The following KLRK1 variants were observed in gnomAD, a reference collection of about 807,000 sequenced individuals.
The protein encoded by KLRK1 is killer cell lectin like receptor K1.
In KLRK1, 40 loss-of-function variants were observed where a neutral mutation model predicts 31.3. The observed-to-expected ratio is 1.28, with a 90% CI of 0.99 to 1.67. KLRK1 has a LOEUF of 1.67. KLRK1 is among the 40% of genes most tolerant of loss of function. The pLI is 0.00. For missense variants in KLRK1, 251 were observed against 260.0 expected, an observed-to-expected ratio of 0.97 and a Z score of 0.24; for synonymous variants, 77 against 77.3, an observed-to-expected ratio of 1.00 and a Z score of 0.02.
At chr12:10,375,767 G>A (rs1045249405) in intron 7 of KLRK1, among the ~76,000 whole-genome samples, 1 of 152,150 alleles carries the variant, frequency 6.6e-6, no homozygotes, top group Admixed American at 6.5e-5. Flanking sequence ...TCTTTCAAAT[G>A]GTAGAAATGA....
At position 10,373,318 on chromosome 12, in the gene KLRK1, C is replaced by G. The variant is rs539612797; in HGVS notation, c.534-87G>C. 6.9e-6 allele frequency: 8 copies of G among 1,158,252 alleles called. No homozygotes were observed. In the East Asian group the frequency reaches 2.1e-4, roughly 31 times the overall value. The allele number at this position is 1,158,252 out of a possible 1,614,324, so 71.7% of individuals were successfully genotyped here. On this transcript the variant is annotated intron_variant, in intron 7 of 7. Coordinates refer to ENST00000240618, the MANE Select transcript of KLRK1 (RefSeq NM_007360.4). The stretch of plus-strand genomic sequence containing the variant: ...AATCATACCTATTGAACTTCAAATA[C>G]AGGAACTTAATACCATTTTAGGAGA...
At position 10,378,618 on chromosome 12, in the gene KLRK1, T is replaced by G; in HGVS notation, c.365A>C (p.Glu122Ala). The change falls in exon 6 of 8, where the codon GAG (glutamate) becomes GCG (alanine). Residue 122 changes from glutamate (E) to alanine (A), a missense_variant. Physicochemically the swap from Glu to Ala is moderately radical, Grantham distance 107. Coordinates refer to ENST00000240618, the MANE Select transcript of KLRK1 (RefSeq NM_007360.4). ...QFFDESKNWY[E>A]SQASCMSQNA... Reference sequence around the variant, plus strand: ...TTGAGACATACAAGAAGCCTGGCTCTCATACCAGTTTTTACTCTCATCAAA... The same window carrying G: ...TTGAGACATACAAGAAGCCTGGCTCGCATACCAGTTTTTACTCTCATCAAA... 6.2e-7 allele frequency: 1 copy of G among 1,612,706 alleles called. No homozygotes were observed. The highest frequency in any genetic ancestry group is 8.5e-7 in the Non-Finnish European group (1 of 1,179,726).
At chr12:10,375,710 T>C (rs1447895548) in intron 7 of KLRK1, among the ~76,000 whole-genome samples, 1 of 152,238 alleles carries the variant, frequency 6.6e-6, no homozygotes, top group Non-Finnish European at 1.5e-5. Context: ...TTCCTGATCG[T>C]TGTAGCTGAA....
intron 7 of KLRK1, among the ~76,000 whole-genome samples, chr12:10,377,297 A>G (rs1357544435): frequency 1.3e-5 from 2 of 152,190 alleles, no homozygotes; most frequent in African/African-American, 4.8e-5. Context: ...TGATTCAGCC[A>G]TTTTGTTTCT....
At position 10,378,113 on chromosome 12, in the gene KLRK1, C is replaced by G. The variant is rs1003027574; in HGVS notation, c.533+19G>C. 1 of 1,602,774 alleles carries G rather than the reference C, an allele frequency of 6.2e-7. No individual in the cohort carries two copies. Among genetic ancestry groups the G allele is most frequent in the Non-Finnish European group, 8.5e-7 (1 of 1,176,020 alleles). On this transcript the variant is annotated intron_variant, in intron 7 of 7. Coordinates refer to ENST00000240618, the MANE Select transcript of KLRK1 (RefSeq NM_007360.4). The stretch of plus-strand genomic sequence containing the variant: ...GGAAAAAAATTAAAAAGAAGAGACT[C>G]ATTGGGTCAGAGACTTACAGGTTGG...
Position 10,377,450 on chromosome 12 carries a change from G to A in KLRK1, c.533+682C>T, listed in dbSNP as rs531958229. The stretch of plus-strand genomic sequence containing the variant: ...TACATCAATAAATGAAGAGATAAAA[G>A]GAAATTAACTCTTTACTCATGCAAT... On this transcript the variant is annotated intron_variant, in intron 7 of 7. Coordinates refer to ENST00000240618, the MANE Select transcript of KLRK1 (RefSeq NM_007360.4). Among the ~76,000 whole-genome samples the A allele has an allele frequency of 8.1e-4, 123 of 152,182 alleles. 3 individuals carry two copies. Among genetic ancestry groups the A allele is most frequent in the African/African-American group, 2.5e-3 (104 of 41,534 alleles).
intron 1 of KLRK1, 100 bp downstream of exon 1, chr12:10,389,843 G>C (rs541071824): frequency 1.3e-5 from 2 of 152,032 alleles, no homozygotes; most frequent in Non-Finnish European, 2.9e-5. Flanking sequence ...GAAACAATTA[G>C]AATTACCTTA....
chr12:10,377,112 CA>C (rs2137805048), intron 7 of KLRK1, among the ~76,000 whole-genome samples: 1 of 152,246 alleles, frequency 6.6e-6, no homozygotes, highest in South Asian at 2.1e-4. Flanking sequence ...CCACTGCACC[CA>C]GCCAGTATAA....
intron 2 of KLRK1, among the ~76,000 whole-genome samples, chr12:10,387,994 A>G (rs1375037571): frequency 6.6e-6 from 1 of 152,216 alleles, no homozygotes; most frequent in East Asian, 1.9e-4. Context: ...CTGATGATTA[A>G]TATTTACTTA....
At chr12:10,378,314 C>T (rs1863003627) in intron 6 of KLRK1, 79 bp from the exon 7 acceptor site, 2 of 1,475,440 alleles carry the variant, frequency 1.4e-6, no homozygotes, top group Non-Finnish European at 1.9e-6. Flanking sequence ...ACCATTTCAT[C>T]TGTTCTCACA....
At chr12:10,381,137 G>T (rs1281277620) in intron 3 of KLRK1, among the ~76,000 whole-genome samples, 1 of 151,894 alleles carries the variant, frequency 6.6e-6, no homozygotes, top group Non-Finnish European at 1.5e-5. Context: ...AGAGAGTCAT[G>T]CATGCGCCCC....
Position 10,379,800 on chromosome 12 carries a change from A to G in KLRK1, c.149-8T>C. 1.2e-6 allele frequency: 2 copies of G among 1,609,946 alleles called. No homozygotes were observed. The highest frequency in any genetic ancestry group is 1.7e-6 in the Non-Finnish European group (2 of 1,178,242). ...AGAAAAAAAATGGAGATGCTGTCAA[A>G]GAAAAAAGACACAGATCAGAGAAAG... On this transcript the variant is annotated splice_region_variant and splice_polypyrimidine_tract_variant and intron_variant, in intron 3 of 7. Transcript: ENST00000240618.
At chr12:10,382,835 A>G (rs1001096292) in intron 3 of KLRK1, among the ~76,000 whole-genome samples, 1 of 152,232 alleles carries the variant, frequency 6.6e-6, no homozygotes, top group African/African-American at 2.4e-5. Flanking sequence ...ACATAAGTCA[A>G]CATGTGAGAG....
chr12:10,380,733 A>G (rs893072182), intron 3 of KLRK1, among the ~76,000 whole-genome samples: 4 of 152,156 alleles, frequency 2.6e-5, no homozygotes, highest in African/African-American at 9.7e-5. Context: ...CACATTCCTC[A>G]CGATCCCTGA....
intron 7 of KLRK1, among the ~76,000 whole-genome samples, chr12:10,373,545 A>T (rs1862901587): frequency 6.6e-6 from 1 of 152,210 alleles, no homozygotes; most frequent in Non-Finnish European, 1.5e-5. Flanking sequence ...TTAAGTGAGA[A>T]ATAAATTCAG....
chr12:10,388,610 G>A (rs1037170205), intron 2 of KLRK1, among the ~76,000 whole-genome samples, 161 bp downstream of exon 2: 2 of 152,128 alleles, frequency 1.3e-5, no homozygotes, highest in Non-Finnish European at 1.5e-5. Flanking sequence ...TGGAAGACTT[G>A]ATTTAAAATA....
chr12:10,386,191 C>T (rs1051779277), intron 3 of KLRK1, among the ~76,000 whole-genome samples: 2 of 151,686 alleles, frequency 1.3e-5, no homozygotes, highest in Non-Finnish European at 2.9e-5. Flanking sequence ...CATTTCATAC[C>T]CATCTGTGCA....
At chr12:10,384,797 G>A (rs1863137515) in intron 3 of KLRK1, among the ~76,000 whole-genome samples, 1 of 152,038 alleles carries the variant, frequency 6.6e-6, no homozygotes, top group Non-Finnish European at 1.5e-5. Context: ...ACAATTGACA[G>A]AGTGAAGAGA....
In KLRK1 at chr12:10,379,741, A is replaced by C; in HGVS notation, c.200T>G (p.Phe67Cys). The change falls in exon 4 of 8, where the codon TTC (phenylalanine) becomes TGC (cysteine). Residue 67 changes from phenylalanine to cysteine, a missense_variant. Coordinates refer to ENST00000240618, the MANE Select transcript of KLRK1 (RefSeq NM_007360.4). ...ACTCCATATTGTTACCATAATAATG[A>C]AACGGATTCCCATGGCTACAGCGAT... ...CFIAVAMGIR[F>C]IIMVTIWSAV... 6.2e-7 allele frequency: 1 copy of C among 1,612,402 alleles called. No homozygotes were observed. Among genetic ancestry groups the C allele is most frequent in the Admixed American group, 1.7e-5 (1 of 59,900 alleles).
Sources: allele counts gnomAD v4.1 joint callset (sites outside exome capture counted in the v4.1 genomes callset), GRCh38; gene constraint gnomAD v4.1.1; transcripts MANE v1.5; gene names NCBI Gene and HGNC (gene_info 2026-07-23, HGNC 2026-07-21).